Variants in VPS13B observed in about 807,000 individuals in gnomAD.
The protein encoded by VPS13B is vacuolar protein sorting 13 homolog B, also known as intermembrane lipid transfer protein VPS13B.
In VPS13B, 285 loss-of-function variants were observed where a neutral mutation model predicts 426.4. That is an observed-to-expected ratio of 0.67 (90% CI 0.61 to 0.74). The LOEUF (loss-of-function observed/expected upper bound fraction) is 0.74, where lower values mean the gene tolerates loss of function less well. Ranked by LOEUF, VPS13B falls within the 30% of genes least tolerant of loss-of-function variation. VPS13B has a pLI of 0.00. For synonymous variants in VPS13B, 1,676 were observed against 1,676.4 expected (o/e 1.00, Z 0.01); for missense variants, 4,537 against 4,782.6 (o/e 0.95, Z 1.51).
intron 8 of VPS13B, among the ~76,000 whole-genome samples, chr8:99,128,386 C>CAAAA (rs71273165): frequency 3.8e-4 from 13 of 34,220 alleles, no homozygotes; most frequent in Admixed American, 1.2e-3. Flanking sequence ...GATACTGTCC[C>CAAAA]AAAAAAAAAA....
chr8:99,203,113 A>G (rs1814453469), intron 17 of VPS13B, among the ~76,000 whole-genome samples: 1 of 152,166 alleles, frequency 6.6e-6, no homozygotes, highest in African/African-American at 2.4e-5. Context: ...AAAATCCTCA[A>G]TAAAATACTG....
At chr8:99,209,311 G>A (rs568021110) in intron 17 of VPS13B, among the ~76,000 whole-genome samples, 159 of 150,686 alleles carry the variant, frequency 1.1e-3, no homozygotes, top group African/African-American at 3.6e-3. Flanking sequence ...AAACAAAACC[G>A]AAATAATGCT....
chr8:99,424,864 T>TA (rs1454298875), intron 21 of VPS13B, among the ~76,000 whole-genome samples: 3 of 151,786 alleles, frequency 2.0e-5, no homozygotes, highest in Non-Finnish European at 4.4e-5. Flanking sequence ...ATAGACGCAA[T>TA]AAAAAATGAC....
intron 3 of VPS13B, among the ~76,000 whole-genome samples, chr8:99,063,516 G>A (rs897164407): frequency 2.6e-5 from 4 of 152,346 alleles, no homozygotes; most frequent in African/African-American, 9.6e-5. Flanking sequence ...CCTGGCAGGG[G>A]GAGGGGTGTC....
intron 7 of VPS13B, among the ~76,000 whole-genome samples, chr8:99,117,641 A>G (rs1340301927): frequency 5.9e-5 from 9 of 152,220 alleles, no homozygotes; most frequent in Admixed American, 1.3e-4. Flanking sequence ...GATATAGGCT[A>G]CAGCATGGAT....
intron 33 of VPS13B, among the ~76,000 whole-genome samples, chr8:99,618,122 A>G: frequency 6.6e-6 from 1 of 152,150 alleles, no homozygotes; most frequent in East Asian, 1.9e-4. Flanking sequence ...GGGTGAGAGA[A>G]AAAGGGCAAA....
At chr8:99,656,422 G>A (rs996235718) in intron 34 of VPS13B, among the ~76,000 whole-genome samples, 1 of 152,174 alleles carries the variant, frequency 6.6e-6, no homozygotes, top group African/African-American at 2.4e-5. Context: ...TCCAGAAGAG[G>A]TCTGAAAGAG....
chr8:99,275,672 A>C (rs1266538480), intron 19 of VPS13B, among the ~76,000 whole-genome samples: 2 of 152,184 alleles, frequency 1.3e-5, no homozygotes, highest in Non-Finnish European at 2.9e-5. Flanking sequence ...ACTGAGAAGA[A>C]AATCTCAGAG....
intron 35 of VPS13B, chr8:99,696,985 C>T (rs1419837124): frequency 1.5e-5 from 9 of 613,488 alleles, no homozygotes; most frequent in Non-Finnish European, 2.8e-5. Context: ...CTGCAGCCGG[C>T]GTGTGGGAAG....
intron 24 of VPS13B, 55 bp from the exon 25 acceptor site, chr8:99,481,544 A>C: frequency 1.3e-6 from 2 of 1,556,616 alleles, no homozygotes; most frequent in Non-Finnish European, 8.8e-7. Flanking sequence ...ATTTTAGTGG[A>C]TTGAAACTGG....
At chr8:99,764,791 C>A (rs1811127203) in intron 39 of VPS13B, among the ~76,000 whole-genome samples, 3 of 152,022 alleles carry the variant, frequency 2.0e-5, no homozygotes, top group Non-Finnish European at 1.5e-5. Context: ...GTAACCAATC[C>A]TCTATTGATG....
At chr8:99,238,241 A>AGTGTGTGTGTGTGTGTGT (rs199541620) in intron 17 of VPS13B, among the ~76,000 whole-genome samples, 1 of 149,936 alleles carries the variant, frequency 6.7e-6, no homozygotes, top group East Asian at 2.0e-4. Flanking sequence ...AGTTTGTGGG[A>AGTGTGTGTGTGTGTGTGT]GTGTGTGTGT....
intron 41 of VPS13B, among the ~76,000 whole-genome samples, 192 bp downstream of exon 41, chr8:99,777,148 C>G (rs1811782731): frequency 6.6e-6 from 1 of 152,066 alleles, no homozygotes; most frequent in South Asian, 2.1e-4. Context: ...GCTTATGAAC[C>G]CATTATATAA....
intron 7 of VPS13B, chr8:99,119,243 A>G (rs1847822148): frequency 6.6e-6 from 1 of 151,840 alleles, no homozygotes. Context: ...TACTTTATGT[A>G]TTTATTATTT....
chr8:99,522,123 A>G (rs1337196367), intron 30 of VPS13B, among the ~76,000 whole-genome samples: 2 of 152,188 alleles, frequency 1.3e-5, no homozygotes, highest in African/African-American at 4.8e-5. Flanking sequence ...TCCCTGGTGA[A>G]AGAGTAACAG....
chr8:99,486,928 A>G (rs1277293169), intron 25 of VPS13B, among the ~76,000 whole-genome samples: 1 of 152,150 alleles, frequency 6.6e-6, no homozygotes, highest in Non-Finnish European at 1.5e-5. Flanking sequence ...AAGGTCAAAG[A>G]TGTTAACTGG....
At chr8:99,613,112 A>G (rs1396278330) in intron 33 of VPS13B, among the ~76,000 whole-genome samples, 7 of 152,212 alleles carry the variant, frequency 4.6e-5, no homozygotes, top group Non-Finnish European at 5.9e-5. Flanking sequence ...TGAAGAAGAC[A>G]ATTGACTACC....
chr8:99,603,948 G>A (rs1284453026), intron 33 of VPS13B, among the ~76,000 whole-genome samples: 1 of 152,060 alleles, frequency 6.6e-6, no homozygotes, highest in African/African-American at 2.4e-5. Flanking sequence ...TTAACTTTTA[G>A]CCTAGTAAAT....
Position 99,731,516 on chromosome 8 carries a change from A to C in VPS13B, c.7050+10469A>C, listed in dbSNP as rs181622117. Reference sequence around the variant, plus strand: ...ATTTAGAGTGTGGGGTTTATATTTCATTTGATAGGCATTGGAGAACCACTG... The same window carrying C: ...ATTTAGAGTGTGGGGTTTATATTTCCTTTGATAGGCATTGGAGAACCACTG... On this transcript the variant is annotated intron_variant, in intron 39 of 61. Transcript: ENST00000357162. Among the ~76,000 whole-genome samples the C allele has an allele frequency of 5.5e-3, 834 of 152,230 alleles. 7 individuals carry two copies. The highest frequency in any genetic ancestry group is 0.019 in the African/African-American group (777 of 41,528).
Sources: allele counts gnomAD v4.1 joint callset (sites outside exome capture counted in the v4.1 genomes callset), GRCh38; gene constraint gnomAD v4.1.1; transcripts MANE v1.5; gene names NCBI Gene and HGNC (gene_info 2026-07-23, HGNC 2026-07-21).